Variants in SH2B1 observed in about 807,000 individuals in gnomAD.
The protein encoded by SH2B1 is SH2B adaptor protein 1.
Under a neutral mutation model 62.6 loss-of-function variants are expected in SH2B1, and 15 were observed. The ratio of observed to expected loss-of-function variants is 0.24; its 90% confidence interval spans 0.16 to 0.37. The LOEUF (loss-of-function observed/expected upper bound fraction) is 0.37, where lower values mean the gene tolerates loss of function less well. Ranked by LOEUF, SH2B1 falls within the 10% of genes least tolerant of loss-of-function variation. SH2B1 has a pLI of 1.00. For missense variants in SH2B1, 925 were observed against 1,015.6 expected (o/e 0.91, Z 1.21); for synonymous variants, 443 against 438.0 (o/e 1.01, Z -0.14).
intron 1 of SH2B1, among the ~76,000 whole-genome samples, chr16:28,853,522 CTTTT>C (rs543507752): frequency 7.9e-6 from 1 of 127,132 alleles, no homozygotes. Flanking sequence ...CCCACTTTTT[CTTTT>C]TTTTTTTTTT....
chr16:28,851,768 T>TA (rs576364692), intron 1 of SH2B1, among the ~76,000 whole-genome samples: 6 of 147,594 alleles, frequency 4.1e-5, no homozygotes, highest in Admixed American at 6.7e-5. Flanking sequence ...TGGCCTTTTT[T>TA]AAAAAAAATA....
At chr16:28,851,228 A>T (rs1003820237) in intron 1 of SH2B1, among the ~76,000 whole-genome samples, 1 of 146,698 alleles carries the variant, frequency 6.8e-6, no homozygotes, top group South Asian at 2.1e-4. Flanking sequence ...ACTTCCTCTC[A>T]CTCTCCTTAT....
In SH2B1 at chr16:28,855,893, G is replaced by A. The variant is rs533862212; in HGVS notation, c.-300-5725G>A. Among the ~76,000 whole-genome samples, 6 of 139,646 alleles carry A rather than the reference G, an allele frequency of 4.3e-5. No individual in the cohort carries two copies. In the East Asian group the frequency reaches 1.3e-3, roughly 30 times the overall value. The allele number at this position is 139,646 out of a possible 152,430, so 91.6% of individuals were successfully genotyped here. A position where few individuals can be genotyped will look rare whatever the true frequency, so the allele number is the denominator to read the frequency against. ...GATGGTCTCGATCTCCTGACCTCGTGATCCGCCGACCTCGTGATCCGCCTG... is the reference window on the plus strand; with the variant it reads ...GATGGTCTCGATCTCCTGACCTCGTAATCCGCCGACCTCGTGATCCGCCTG... On this transcript the variant is annotated intron_variant, in intron 1 of 10. Transcript: ENST00000322610.
At chr16:28,869,481 CA>C in intron 4 of SH2B1, 98 bp downstream of exon 4, 1 of 1,140,788 alleles carries the variant, frequency 8.8e-7, no homozygotes, top group Non-Finnish European at 1.2e-6. Flanking sequence ...ACTGTGCCCC[CA>C]TCCCTGTTTT....
chr16:28,860,249 A>AT (rs541257161), upstream of SH2B1, among the ~76,000 whole-genome samples: 8,564 of 131,970 alleles, frequency 0.065, 701 homozygotes, highest in African/African-American at 0.18. Context: ...CACTTCTTGA[A>AT]TTTTTTTTTT....
chr16:28,867,068 A>AGT (rs772377524), intron 1 of SH2B1, 35 bp downstream of exon 1: 2 of 1,598,096 alleles, frequency 1.3e-6, no homozygotes, highest in Non-Finnish European at 1.7e-6. Context: ...ACTGAGAGCA[A>AGT]GTGAGAGAGT....
intron 4 of SH2B1, 33 bp downstream of exon 4, chr16:28,869,416 C>T (rs779432439): frequency 1.5e-5 from 24 of 1,589,478 alleles, no homozygotes; most frequent in Non-Finnish European, 1.9e-5. Flanking sequence ...CTCGGAGCCT[C>T]GGAACCTGCC....
intron 2 of SH2B1, among the ~76,000 whole-genome samples, chr16:28,868,505 C>T (rs955191013): frequency 3.9e-4 from 59 of 151,708 alleles, no homozygotes; most frequent in African/African-American, 1.4e-3. Flanking sequence ...GTCTCCCAGG[C>T]TGGAGTTGAA....
At chr16:28,869,409 G>T in intron 4 of SH2B1, 26 bp downstream of exon 4, 1 of 1,595,748 alleles carries the variant, frequency 6.3e-7, no homozygotes, top group Non-Finnish European at 8.6e-7. Flanking sequence ...TAGAGAGCTC[G>T]GAGCCTCGGA....
intron 1 of SH2B1, among the ~76,000 whole-genome samples, chr16:28,847,236 C>T (rs1961995341): frequency 6.6e-6 from 1 of 152,048 alleles, no homozygotes; most frequent in Non-Finnish European, 1.5e-5. Context: ...GTGTCCCCAG[C>T]ACCTAACAGG....
In SH2B1 at chr16:28,872,749, A is replaced by T; in HGVS notation, c.1897+44A>T. 6.2e-7 allele frequency: 1 copy of T among 1,610,224 alleles called. No homozygotes were observed. The highest frequency in any genetic ancestry group is 1.1e-5 in the South Asian group (1 of 90,694). On this transcript the variant is annotated intron_variant, in intron 7 of 7. Coordinates refer to ENST00000684370, the MANE Select transcript of SH2B1 (RefSeq NM_001387430.1). The surrounding 1 kb of genome is among the most constrained non-coding windows in gnomAD (Gnocchi z 5.3). The stretch of plus-strand genomic sequence containing the variant: ...CAGGGGAGGAGGTGCCCGTGCACCC[A>T]AGAAGTGAGGTGTGTGTGCCAGAAA...
Position 28,866,997 on chromosome 16 carries a change from A to C in SH2B1, c.903A>C (p.Gly301=). Residue 301 remains glycine (G), a synonymous_variant, in exon 1 of 8, where the codon GGA becomes GGC. Transcript: ENST00000684370. The surrounding 1 kb of genome is among the most constrained non-coding windows in gnomAD (Gnocchi z 6.3). ...RLLLRSEGEG[G]GGSRLEFFVP... ...TGCTTCGAAGTGAAGGAGAAGGAGG[A>C]GGAGGAAGTCGCCTGGAGTTCTTTG... 6.2e-7 allele frequency: 1 copy of C among 1,602,354 alleles called. No individual in the cohort carries two copies. The highest frequency in any genetic ancestry group is 8.5e-7 in the Non-Finnish European group (1 of 1,179,934).
At chr16:28,863,697 C>G (rs1238535767), upstream of SH2B1, 4 of 1,535,802 alleles carry the variant, frequency 2.6e-6, no homozygotes, top group South Asian at 4.8e-5. Context: ...TGAAGCCCTA[C>G]GAGATTCACA....
upstream of SH2B1, among the ~76,000 whole-genome samples, chr16:28,860,249 ATTT>A (rs541257161): frequency 6.1e-5 from 8 of 131,922 alleles, no homozygotes; most frequent in Admixed American, 1.5e-4. Flanking sequence ...CACTTCTTGA[ATTT>A]TTTTTTTTTT....
rs1567458195 is a variant in SH2B1 at position 28,852,305 on chromosome 16, T to TATATATATTTACATATATATATTTAC, written c.-301+5499_-301+5524dup. Among the ~76,000 whole-genome samples, 35 of 63,928 alleles carry TATATATATTTACATATATATATTTAC rather than the reference T, an allele frequency of 5.5e-4. 3 individuals carry two copies. Among genetic ancestry groups the TATATATATTTACATATATATATTTAC allele is most frequent in the Non-Finnish European group, 5.7e-4 (20 of 35,176 alleles). 41.9% of individuals were successfully genotyped at this position (63,928 alleles called of 152,430 possible). The stretch of plus-strand genomic sequence containing the variant: ...ATATATTTACATATATATATTTACA[T>TATATATATTTACATATATATATTTAC]ATATATATTTACATATATATATTTA... On this transcript the variant is annotated intron_variant, in intron 1 of 10. Transcript: ENST00000322610.
At chr16:28,857,670 G>A (rs890121872) in intron 1 of SH2B1, among the ~76,000 whole-genome samples, 1 of 151,982 alleles carries the variant, frequency 6.6e-6, no homozygotes, top group Non-Finnish European at 1.5e-5. Context: ...GTGGAAGCAG[G>A]GCACGTCACC....
chr16:28,853,405 A>G (rs1336652650), intron 1 of SH2B1, among the ~76,000 whole-genome samples: 1 of 150,244 alleles, frequency 6.7e-6, no homozygotes, highest in South Asian at 2.1e-4. Context: ...AGGTTTCACC[A>G]TTCTGGCCAG....
At position 28,866,256 on chromosome 16, in the gene SH2B1, A is replaced by G. The variant is rs201753799; in HGVS notation, c.162A>G (p.Gln54=). The change falls in exon 1 of 8, where the codon CAA becomes CAG. Residue 54 remains glutamine (Q), a synonymous_variant. Transcript: ENST00000684370. This position sits in a 1 kb window ranked among gnomAD's most constrained non-coding sequence, Gnocchi z 6.3. ...GCCTCTACCTGGCCTCCCACCCCCAATATGCGGGGCCCGGGGCCGAGGCTG... is the reference window on the plus strand; with the variant it reads ...GCCTCTACCTGGCCTCCCACCCCCAGTATGCGGGGCCCGGGGCCGAGGCTG... ...RFRLYLASHP[Q]YAGPGAEAAF... is the part of the protein sequence containing the mutation. 10 of 1,610,682 alleles carry G rather than the reference A, an allele frequency of 6.2e-6. No individual in the cohort carries two copies. In the East Asian group the frequency reaches 1.3e-4, roughly 22 times the overall value.
rs1266288487 is a variant in SH2B1 at position 28,851,149 on chromosome 16, G to T, written c.-301+4322G>T. Among the ~76,000 whole-genome samples the T allele has an allele frequency of 4.1e-4, 60 of 146,514 alleles. 1 individual carries two copies. Among genetic ancestry groups the T allele is most frequent in the Admixed American group, 3.8e-3 (54 of 14,120 alleles). ...AGATTGCGCCACTGCACTCCAGCCTGCCGACAGAGCAAGACTCTGTCTCAA... is the reference window on the plus strand; with the variant it reads ...AGATTGCGCCACTGCACTCCAGCCTTCCGACAGAGCAAGACTCTGTCTCAA... On this transcript the variant is annotated intron_variant, in intron 1 of 10. Transcript: ENST00000322610.
Sources: gnomAD v4.1 joint callset for allele counts (sites outside exome capture counted in the v4.1 genomes callset) on GRCh38, gnomAD v4.1.1 for gene constraint, Gnocchi (gnomAD v3.1) non-coding constraint, MANE v1.5 for transcripts, NCBI Gene and HGNC (gene_info 2026-07-23, HGNC 2026-07-21) for gene names.